The following ABI1 variants were observed in gnomAD, a reference collection of about 807,000 sequenced individuals.
ABI1 encodes the protein Abelson interactor 1.
Under a neutral mutation model 54.6 loss-of-function variants are expected in ABI1, and 14 were observed. That is an observed-to-expected ratio of 0.26 (90% confidence interval 0.17 to 0.40). The LOEUF (loss-of-function observed/expected upper bound fraction) is 0.40. Among genes scored for constraint, ABI1 ranks in the 10% least tolerant of loss-of-function variants. The pLI is 1.00. For synonymous variants in ABI1, 194 were observed against 209.3 expected, an observed-to-expected ratio of 0.93 and a Z score of 0.63; for missense variants, 443 against 598.3, an observed-to-expected ratio of 0.74 and a Z score of 2.71.
chr10:26,766,582 G>C (rs1207541506), intron 6 of ABI1, among the ~76,000 whole-genome samples: 1 of 152,120 alleles, frequency 6.6e-6, no homozygotes, highest in East Asian at 1.9e-4. Context: ...AACAGACATA[G>C]CTTAGATGTG....
At chr10:26,842,345 G>T (rs996062996) in intron 1 of ABI1, among the ~76,000 whole-genome samples, 1 of 152,160 alleles carries the variant, frequency 6.6e-6, no homozygotes, top group African/African-American at 2.4e-5. Flanking sequence ...TCAGATAAAT[G>T]GTTTGCAAAT....
rs1276246672 is a variant in ABI1, at chr10:26,789,366, G to GAT, written c.286-12126_286-12125insAT. 4.6e-5 allele frequency among the ~76,000 whole-genome samples: 7 copies of GAT among 152,158 alleles called. No homozygotes were observed. The East Asian group carries it at 1.3e-3, about 29-fold the overall frequency. On this transcript the variant is annotated intron_variant, in intron 2 of 10. Coordinates refer to ENST00000376140, the MANE Select transcript of ABI1 (RefSeq NM_001012750.3). Reference sequence around the variant, plus strand: ...AACCAAAAAAATGAACATGTACAGGGGGAATCACCTTTTAAAGCATGAATA... The same window carrying GAT: ...AACCAAAAAAATGAACATGTACAGGGATGGAATCACCTTTTAAAGCATGAATA...
chr10:26,830,392 C>T (rs140632211), intron 1 of ABI1, among the ~76,000 whole-genome samples: 5 of 151,928 alleles, frequency 3.3e-5, no homozygotes, highest in Admixed American at 1.3e-4. Context: ...GAGGTCATGG[C>T]GAGAGGACTG....
chr10:26,796,156 T>G (rs895334333), intron 2 of ABI1, among the ~76,000 whole-genome samples: 3 of 152,014 alleles, frequency 2.0e-5, no homozygotes, highest in Admixed American at 1.3e-4. Context: ...CATGGTTATT[T>G]TGGGGGGAAA....
chr10:26,759,228 G>A lies in ABI1; in HGVS notation c.831C>T (p.Gly277=). The A allele has an allele frequency of 6.2e-7, 1 of 1,613,720 alleles. No homozygotes were observed. Among genetic ancestry groups the A allele is most frequent in the South Asian group, 1.1e-5 (1 of 91,020 alleles). The change falls in exon 8 of 11, where the codon GGC becomes GGT. Residue 277 remains glycine, a synonymous_variant. Transcript: ENST00000376140. Reference sequence around the variant, plus strand: ...TGCCATACTGGGAACCAGGAGCTGAGCCCGGGGCTGCTGAAAAGCATTAGT... The same window carrying A: ...TGCCATACTGGGAACCAGGAGCTGAACCCGGGGCTGCTGAAAAGCATTAGT... ...SPPTIGPAAP[G]SAPGSQYGTM...
At chr10:26,802,415 G>C (rs1358508389) in intron 2 of ABI1, among the ~76,000 whole-genome samples, 2 of 152,064 alleles carry the variant, frequency 1.3e-5, no homozygotes, top group Admixed American at 1.3e-4. Context: ...GAATTTCACC[G>C]ACTGAGGCTC....
Position 26,825,282 on chromosome 10 carries a change from T to C in ABI1, c.118-1977A>G, listed in dbSNP as rs528335280. On this transcript the variant is annotated intron_variant, in intron 1 of 10. Coordinates refer to ENST00000376140, the MANE Select transcript of ABI1 (RefSeq NM_001012750.3). Reference sequence around the variant, plus strand: ...GGCTTGTACCTGCAATCCTGGCCAGTTGGGAGACTGAGGCAGGAGAATTGC... The same window carrying C: ...GGCTTGTACCTGCAATCCTGGCCAGCTGGGAGACTGAGGCAGGAGAATTGC... Among the ~76,000 whole-genome samples the C allele has an allele frequency of 9.9e-5, 15 of 152,254 alleles. No homozygotes were observed. The South Asian group carries it at 3.1e-3, about 32-fold the overall frequency.
At chr10:26,848,115 C>A (rs1345111930) in intron 1 of ABI1, among the ~76,000 whole-genome samples, 1 of 150,612 alleles carries the variant, frequency 6.6e-6, no homozygotes, top group Non-Finnish European at 1.5e-5. Flanking sequence ...GGGAGGATGA[C>A]CTGAGCCCAG....
At chr10:26,839,470 T>G (rs879311634) in intron 1 of ABI1, among the ~76,000 whole-genome samples, 34 of 151,912 alleles carry the variant, frequency 2.2e-4, no homozygotes, top group Non-Finnish European at 4.1e-4. Context: ...CACTCCAGCC[T>G]GGGCGACAGA....
intron 7 of ABI1, among the ~76,000 whole-genome samples, chr10:26,760,883 C>T (rs1839035349): frequency 2.5e-5 from 2 of 80,598 alleles, no homozygotes; most frequent in African/African-American, 1.1e-4. Flanking sequence ...AGAAAGACTC[C>T]ATCTCAAAAA....
At chr10:26,771,981 G>A (rs1054107196) in intron 3 of ABI1, among the ~76,000 whole-genome samples, 1 of 151,528 alleles carries the variant, frequency 6.6e-6, no homozygotes, top group African/African-American at 2.4e-5. Context: ...AGATTTGGGG[G>A]CTTCAAGCTT....
intron 10 of ABI1, among the ~76,000 whole-genome samples, chr10:26,751,207 T>C (rs1487812418): frequency 6.6e-6 from 1 of 152,164 alleles, no homozygotes; most frequent in Non-Finnish European, 1.5e-5. Flanking sequence ...AAGTGAACCA[T>C]CATAAATCAG....
In ABI1 at chr10:26,832,308, C is replaced by A. The variant is rs112715670; in HGVS notation, c.118-9003G>T. Among the ~76,000 whole-genome samples the A allele has an allele frequency of 2.0e-5, 3 of 152,230 alleles. No homozygotes were observed. In the South Asian group the frequency reaches 6.2e-4, roughly 32 times the overall value. ...TAAAAAATAAAGTATGTTGGCCGGG[C>A]GCAGTGGCTCACTCCTGTAATCCCA... On this transcript the variant is annotated intron_variant, in intron 1 of 10. Transcript: ENST00000376140.
intron 2 of ABI1, among the ~76,000 whole-genome samples, chr10:26,813,407 C>CA (rs2047364523): frequency 6.6e-6 from 1 of 151,826 alleles, no homozygotes; most frequent in Admixed American, 6.6e-5. Context: ...AAGGATGAAA[C>CA]AAAAAATGTA....
At chr10:26,765,183 A>G (rs1230501686) in intron 7 of ABI1, 35 bp downstream of exon 7, 1 of 1,379,948 alleles carries the variant, frequency 7.2e-7, no homozygotes, top group African/African-American at 1.5e-5. Flanking sequence ...CATAAATATT[A>G]TCATGTATTA....
intron 2 of ABI1, among the ~76,000 whole-genome samples, chr10:26,797,675 T>G (rs926282348): frequency 6.6e-6 from 1 of 152,126 alleles, no homozygotes; most frequent in Admixed American, 6.5e-5. Flanking sequence ...TCTGGCTGAA[T>G]AGTGGGGTCA....
intron 1 of ABI1, among the ~76,000 whole-genome samples, chr10:26,852,347 C>T (rs900122494): frequency 2.6e-5 from 4 of 151,960 alleles, no homozygotes; most frequent in South Asian, 2.1e-4. Context: ...GGCGTGGTGG[C>T]GCATCCCTGT....
At chr10:26,762,633 A>T (rs921270169) in intron 7 of ABI1, among the ~76,000 whole-genome samples, 1 of 152,212 alleles carries the variant, frequency 6.6e-6, no homozygotes, top group African/African-American at 2.4e-5. Context: ...TTTCATTAGG[A>T]GTCAAAGCAA....
At chr10:26,767,983 T>C (rs1267866575) in intron 6 of ABI1, among the ~76,000 whole-genome samples, 3 of 151,746 alleles carry the variant, frequency 2.0e-5, no homozygotes, top group Non-Finnish European at 4.4e-5. Flanking sequence ...GTGGTAGAAG[T>C]TGCAGTGAGC....
Sources: allele counts gnomAD v4.1 joint callset (sites outside exome capture counted in the v4.1 genomes callset), GRCh38; gene constraint gnomAD v4.1.1; transcripts MANE v1.5; gene names NCBI Gene and HGNC (gene_info 2026-07-23, HGNC 2026-07-21).